Variants in RNASEH1 observed in about 807,000 individuals in gnomAD.
RNASEH1 encodes the protein ribonuclease H1.
In RNASEH1, 27 loss-of-function variants were observed where a neutral mutation model predicts 34.6. The ratio of observed to expected loss-of-function variants is 0.78; its 90% CI spans 0.58 to 1.08. The LOEUF is 1.08. Ranked by LOEUF, RNASEH1 falls within the 50% of genes least tolerant of loss-of-function variation. The probability of loss-of-function intolerance (pLI) is 0.00; values close to 1 mark genes in which losing one functional copy is unlikely to be tolerated. For missense variants in RNASEH1, 349 were observed against 373.6 expected (o/e 0.93, Z 0.54); for synonymous variants, 162 against 138.4 (o/e 1.17, Z -1.20).
chr2:3,555,234 G>A (rs1276261494), intron 2 of RNASEH1, among the ~76,000 whole-genome samples: 5 of 151,986 alleles, frequency 3.3e-5, no homozygotes, highest in Non-Finnish European at 7.4e-5. Context: ...GAAGTCTCAA[G>A]TTCTATTAAC....
downstream of RNASEH1, among the ~76,000 whole-genome samples, chr2:3,539,277 GCT>G (rs1212498230): frequency 6.6e-6 from 1 of 152,172 alleles, no homozygotes; most frequent in Non-Finnish European, 1.5e-5. Flanking sequence ...TTAGAGAACA[GCT>G]CTGTCAGCTG....
intron 2 of RNASEH1, among the ~76,000 whole-genome samples, chr2:3,553,068 T>C (rs917653576): frequency 1.3e-5 from 2 of 151,882 alleles, no homozygotes; most frequent in African/African-American, 4.8e-5. Flanking sequence ...GTCAACATGG[T>C]GAAACCCTGT....
chr2:3,540,937 A>C (rs1429082955), downstream of RNASEH1, among the ~76,000 whole-genome samples: 1 of 152,186 alleles, frequency 6.6e-6, no homozygotes, highest in Non-Finnish European at 1.5e-5. Context: ...GAATGAGGTG[A>C]CAAGTGTTGA....
chr2:3,540,844 T>C (rs545443163), downstream of RNASEH1, among the ~76,000 whole-genome samples: 1 of 152,232 alleles, frequency 6.6e-6, no homozygotes, highest in Admixed American at 6.5e-5. Flanking sequence ...AGCAGGAGCA[T>C]GCTTTTTGAA....
intron 2 of RNASEH1, 109 bp downstream of exon 2, chr2:3,556,680 C>A (rs1660534541): frequency 4.4e-6 from 3 of 676,164 alleles, no homozygotes; most frequent in Non-Finnish European, 7.9e-6. Flanking sequence ...AAAACAATCA[C>A]ACGAGGTTCC....
Position 3,541,808 on chromosome 2 carries a change from CG to C in RNASEH1, c.*3976del, listed in dbSNP as rs2103279989. On this transcript the variant is annotated 3_prime_UTR_variant, in exon 8 of 8. Transcript: ENST00000315212. ...ACAGGCAAATGCATCGGTCACTTCA[CG>C]TATGTGCAGTTCATTACCTGTCAGT... Among the ~76,000 whole-genome samples, 1 of 152,290 alleles carries C rather than the reference CG, an allele frequency of 6.6e-6. No homozygotes were observed. Among genetic ancestry groups the C allele is most frequent in the East Asian group, 1.9e-4 (1 of 5,180 alleles).
At chr2:3,532,131 G>C in the RNASEH1 span, 1 of 634,642 alleles carries the variant, frequency 1.6e-6, no homozygotes, top group East Asian at 2.8e-5. Context: ...TTGGGGAATG[G>C]AGGGAAAGTC....
At chr2:3,537,855 T>C (rs1385055244), downstream of RNASEH1, among the ~76,000 whole-genome samples, 3 of 151,216 alleles carry the variant, frequency 2.0e-5, no homozygotes, top group Non-Finnish European at 4.4e-5. Context: ...TTGATCAACA[T>C]GGAGAAACCC....
At chr2:3,557,714 C>A in intron 1 of RNASEH1, 1 of 480,764 alleles carries the variant, frequency 2.1e-6, no homozygotes, top group Non-Finnish European at 4.1e-6. Flanking sequence ...CAAATACTGG[C>A]TTATTAGAAT....
At chr2:3,541,111 G>T (rs964467750), downstream of RNASEH1, among the ~76,000 whole-genome samples, 2 of 151,920 alleles carry the variant, frequency 1.3e-5, no homozygotes, top group Non-Finnish European at 1.5e-5. Context: ...GGCGGATCAC[G>T]AGGTCAGGAG....
At chr2:3,550,119 G>A (rs997791564) in intron 4 of RNASEH1, 26 of 429,456 alleles carry the variant, frequency 6.1e-5, no homozygotes, top group Admixed American at 2.2e-4. Flanking sequence ...CTCCATCCTG[G>A]GCAACAGTGT....
At chr2:3,554,898 G>A (rs1477018683) in intron 2 of RNASEH1, among the ~76,000 whole-genome samples, 2 of 152,196 alleles carry the variant, frequency 1.3e-5, no homozygotes, top group Admixed American at 6.5e-5. Flanking sequence ...TAACAGCGAG[G>A]AGGCGGCTCA....
chr2:3,539,773 G>C (rs1245972490), downstream of RNASEH1, among the ~76,000 whole-genome samples: 4 of 152,148 alleles, frequency 2.6e-5, no homozygotes, highest in Non-Finnish European at 4.4e-5. Flanking sequence ...ATTAGAATTA[G>C]GAAAAAGACC....
At chr2:3,532,915 G>A in the RNASEH1 span, among the ~76,000 whole-genome samples, 22 of 152,222 alleles carry the variant, frequency 1.4e-4, no homozygotes, top group East Asian at 1.9e-4. Context: ...GCGCTCTCCC[G>A]CGCAGACAGG....
the RNASEH1 span, among the ~76,000 whole-genome samples, chr2:3,535,370 T>TGAGC: frequency 6.8e-6 from 1 of 146,484 alleles, no homozygotes; most frequent in African/African-American, 2.6e-5. Flanking sequence ...GAGGCTGCAG[T>TGAGC]GAGCTGTGAT....
At chr2:3,534,022 A>C in the RNASEH1 span, 1 of 152,250 alleles carries the variant, frequency 6.6e-6, no homozygotes, top group Non-Finnish European at 1.5e-5. Flanking sequence ...CCCATGGGCC[A>C]ATCAGCACAC....
chr2:3,558,093 G>C (rs757921930), intron 1 of RNASEH1, 40 bp downstream of exon 1: 1 of 1,558,850 alleles, frequency 6.4e-7, no homozygotes, highest in Non-Finnish European at 8.7e-7. Context: ...CCTCGACCCC[G>C]ATGCCGGCAG....
chr2:3,558,051 C>T, intron 1 of RNASEH1, 82 bp downstream of exon 1: 1 of 1,485,654 alleles, frequency 6.7e-7, no homozygotes, highest in Admixed American at 2.4e-5. Context: ...CCGCCAGGCT[C>T]CCGCCGCCGG....
At chr2:3,555,964 T>C (rs1660453435) in intron 2 of RNASEH1, among the ~76,000 whole-genome samples, 1 of 151,932 alleles carries the variant, frequency 6.6e-6, no homozygotes, top group South Asian at 2.1e-4. Flanking sequence ...TGAGGTCAGG[T>C]GTTTAAGACC....
Sources: allele counts gnomAD v4.1 joint callset (sites outside exome capture counted in the v4.1 genomes callset), GRCh38; gene constraint gnomAD v4.1.1; transcripts MANE v1.5; gene names NCBI Gene and HGNC (gene_info 2026-07-23, HGNC 2026-07-21).